Variants in ARPP21 observed in about 807,000 individuals in gnomAD.
ARPP21 encodes the protein cAMP-regulated phosphoprotein 21.
ARPP21 carries 69 observed loss-of-function variants against 113.2 expected under a neutral mutation model. The observed-to-expected ratio is 0.61, with a 90% confidence interval of 0.50 to 0.74. ARPP21 has a LOEUF of 0.74. Among genes scored for constraint, ARPP21 ranks in the 30% least tolerant of loss-of-function variants. The probability of loss-of-function intolerance (pLI) is 0.00; values close to 1 mark genes in which losing one functional copy is unlikely to be tolerated. For missense variants in ARPP21, 1,070 were observed against 1,037.4 expected (o/e 1.03, Z -0.43); for synonymous variants, 368 against 375.5 (o/e 0.98, Z 0.23).
chr3:35,783,293 C>G (rs2096563739), intron 19 of ARPP21, among the ~76,000 whole-genome samples: 1 of 152,112 alleles, frequency 6.6e-6, no homozygotes, highest in African/African-American at 2.4e-5. Context: ...TGTCTGAGCC[C>G]CAAACCCCAG....
chr3:35,714,853 G>A (rs1244868092), intron 11 of ARPP21: 1 of 151,330 alleles, frequency 6.6e-6, no homozygotes, highest in African/African-American at 2.4e-5. Flanking sequence ...TTTTTAATTA[G>A]CGTATTTTCA....
intron 14 of ARPP21, 38 bp from the exon 15 acceptor site, chr3:35,729,265 G>C: frequency 2.1e-6 from 3 of 1,416,358 alleles, no homozygotes; most frequent in Non-Finnish European, 3.0e-6. Context: ...TCTCATCTCT[G>C]TGTGTTCAAT....
Position 35,793,922 on chromosome 3 carries a change from A to C in ARPP21, c.2508A>C (p.Ala836=). Residue 836 remains alanine, a synonymous_variant, in exon 21 of 21, where the codon GCA becomes GCC. Transcript: ENST00000684406. ...CAGCTAGCTGCAGAACAAACTGTGC[A>C]AGTATGAGCAATGCTGGTTGGCAGG... is the stretch of plus-strand genomic sequence containing the variant. ...VMSASCRTNC[A]SMSNAGWQVK... 1 of 1,614,104 alleles carries C rather than the reference A, an allele frequency of 6.2e-7. No individual in the cohort carries two copies. The highest frequency in any genetic ancestry group is 8.5e-7 in the Non-Finnish European group (1 of 1,179,954).
chr3:35,691,441 A>T (rs2082207111), intron 9 of ARPP21, among the ~76,000 whole-genome samples: 1 of 151,592 alleles, frequency 6.6e-6, no homozygotes, highest in Non-Finnish European at 1.5e-5. Context: ...GAGTAATAAA[A>T]AGCTCCGAAC....
intron 1 of ARPP21, chr3:35,642,535 C>T (rs1237839550): frequency 6.6e-6 from 1 of 152,104 alleles, no homozygotes; most frequent in Non-Finnish European, 1.5e-5. Flanking sequence ...AACCTCTTCA[C>T]TAGTTCTTAG....
intron 19 of ARPP21, among the ~76,000 whole-genome samples, chr3:35,783,682 T>C (rs572090844): frequency 1.2e-4 from 18 of 152,304 alleles, no homozygotes; most frequent in African/African-American, 4.1e-4. Flanking sequence ...ATTGCTCTGC[T>C]TATAAACCTT....
intron 19 of ARPP21, among the ~76,000 whole-genome samples, chr3:35,783,189 A>C (rs2096561245): frequency 6.6e-6 from 1 of 152,214 alleles, no homozygotes; most frequent in African/African-American, 2.4e-5. Context: ...CCATTTTGAT[A>C]GTCTTCTCAA....
chr3:35,685,575 C>T (rs1053697202), intron 5 of ARPP21: 3 of 984,846 alleles, frequency 3.0e-6, no homozygotes, highest in East Asian at 1.1e-4. Context: ...TGGATTGTAT[C>T]GCTTCCCCAA....
intron 19 of ARPP21, among the ~76,000 whole-genome samples, chr3:35,767,810 A>G (rs967608930): frequency 6.6e-6 from 1 of 151,928 alleles, no homozygotes; most frequent in African/African-American, 2.4e-5. Context: ...TGACTACAGG[A>G]TCTCTAACCC....
chr3:35,704,932 A>G (rs1361899661), intron 9 of ARPP21, among the ~76,000 whole-genome samples: 1 of 152,120 alleles, frequency 6.6e-6, no homozygotes, highest in Non-Finnish European at 1.5e-5. Context: ...AACCTAAATA[A>G]GTCAATCTAT....
At chr3:35,754,389 G>A (rs897013690) in intron 19 of ARPP21, among the ~76,000 whole-genome samples, 1 of 151,840 alleles carries the variant, frequency 6.6e-6, no homozygotes. Flanking sequence ...AAAAGCAGAG[G>A]GGTGAGTTAT....
intron 8 of ARPP21, among the ~76,000 whole-genome samples, chr3:35,690,419 A>AT (rs1485758753): frequency 1.3e-5 from 2 of 151,440 alleles, no homozygotes; most frequent in African/African-American, 4.8e-5. Flanking sequence ...GACCCTTTTC[A>AT]TTTTTATTAT....
intron 19 of ARPP21, among the ~76,000 whole-genome samples, chr3:35,787,688 A>G (rs1402746763): frequency 1.3e-5 from 2 of 152,312 alleles, no homozygotes; most frequent in East Asian, 3.9e-4. Context: ...CAAACTGTGG[A>G]GCATAATTCT....
At chr3:35,673,515 A>C (rs996312454) in intron 1 of ARPP21, among the ~76,000 whole-genome samples, 3 of 151,998 alleles carry the variant, frequency 2.0e-5, no homozygotes, top group Admixed American at 1.3e-4. Context: ...AGGCAATATT[A>C]AGGCATGAAA....
intron 1 of ARPP21, among the ~76,000 whole-genome samples, chr3:35,658,131 G>A (rs187401265): frequency 6.6e-6 from 1 of 152,160 alleles, no homozygotes; most frequent in East Asian, 1.9e-4. Context: ...TGATTATATA[G>A]GTGAGTCTTG....
At chr3:35,701,309 A>G (rs954837951) in intron 9 of ARPP21, among the ~76,000 whole-genome samples, 5 of 151,764 alleles carry the variant, frequency 3.3e-5, no homozygotes, top group African/African-American at 1.2e-4. Context: ...TCATCCTCAT[A>G]TCATTTAGAA....
At chr3:35,771,823 T>C (rs1023132786) in intron 19 of ARPP21, among the ~76,000 whole-genome samples, 1 of 152,188 alleles carries the variant, frequency 6.6e-6, no homozygotes, top group African/African-American at 2.4e-5. Context: ...GAAAAGTGAC[T>C]GAAAATCATG....
chr3:35,788,900 C>T (rs941252051), intron 19 of ARPP21, among the ~76,000 whole-genome samples: 3 of 152,198 alleles, frequency 2.0e-5, no homozygotes, highest in African/African-American at 4.8e-5. Context: ...ATAAACTCCT[C>T]GATCTTTGCC....
In ARPP21 at chr3:35,723,800, A is replaced by AT. The variant is rs541406542; in HGVS notation, c.1225+1974dup. Among the ~76,000 whole-genome samples the AT allele has an allele frequency of 7.9e-4, 120 of 152,216 alleles. 1 individual carries two copies. Among genetic ancestry groups the AT allele is most frequent in the African/African-American group, 2.8e-3 (115 of 41,526 alleles). On this transcript the variant is annotated intron_variant, in intron 14 of 20. Transcript: ENST00000684406. ...GATTAGAGATTGTAAGTGCTTCAGA[A>AT]TTTTTTTTCTTTTAATCTAAGTGTC... is the stretch of plus-strand genomic sequence containing the variant.
Sources: allele counts gnomAD v4.1 joint callset (sites outside exome capture counted in the v4.1 genomes callset), GRCh38; gene constraint gnomAD v4.1.1; transcripts MANE v1.5; gene names NCBI Gene and HGNC (gene_info 2026-07-23, HGNC 2026-07-21).